The following ZNF804A variants were observed in gnomAD, a reference collection of about 807,000 sequenced individuals.
The protein encoded by ZNF804A is zinc finger protein 804A.
Under a neutral mutation model 16.5 loss-of-function variants are expected in ZNF804A, and 2 were observed. That is an observed-to-expected ratio of 0.12 (90% CI 0.05 to 0.38). The LOEUF (loss-of-function observed/expected upper bound fraction) is 0.38. Among genes scored for constraint, ZNF804A ranks in the 10% least tolerant of loss-of-function variants. The pLI, the probability that ZNF804A is intolerant of heterozygous loss-of-function variation, is 0.99. For synonymous variants in ZNF804A, 534 were observed against 489.6 expected, an observed-to-expected ratio of 1.09 and a Z score of -1.20; for missense variants, 1,473 against 1,390.7, an observed-to-expected ratio of 1.06 and a Z score of -0.94.
intron 1 of ZNF804A, among the ~76,000 whole-genome samples, chr2:184,649,799 G>C (rs1230065979): frequency 7.2e-6 from 1 of 139,444 alleles, no homozygotes; most frequent in African/African-American, 2.7e-5. Context: ...TTGTGAAATT[G>C]AATCAATTAT....
chr2:184,924,107 T>C (rs1181669882), intron 2 of ZNF804A, among the ~76,000 whole-genome samples: 2 of 151,692 alleles, frequency 1.3e-5, no homozygotes, highest in African/African-American at 2.4e-5. Context: ...TTGGAAGTAT[T>C]CCCTTCTTAT....
chr2:184,924,856 T>C (rs1248185807), intron 2 of ZNF804A, among the ~76,000 whole-genome samples: 1 of 151,952 alleles, frequency 6.6e-6, no homozygotes, highest in Admixed American at 6.6e-5. Flanking sequence ...TTTCCAAAAT[T>C]CCTCCTTTTA....
At chr2:184,691,760 T>C (rs1692734150) in intron 1 of ZNF804A, among the ~76,000 whole-genome samples, 1 of 151,764 alleles carries the variant, frequency 6.6e-6, no homozygotes. Context: ...ACGAATTCGT[T>C]GTTTTATTTT....
At chr2:184,910,768 A>G (rs1685343703) in intron 2 of ZNF804A, among the ~76,000 whole-genome samples, 1 of 151,866 alleles carries the variant, frequency 6.6e-6, no homozygotes, top group East Asian at 1.9e-4. Flanking sequence ...CCACTTGTAT[A>G]TCTTCTTTTG....
intron 1 of ZNF804A, among the ~76,000 whole-genome samples, chr2:184,773,475 A>C (rs562197993): frequency 6.6e-6 from 1 of 152,146 alleles, no homozygotes; most frequent in African/African-American, 2.4e-5. Flanking sequence ...TAAAATTAAT[A>C]GGTCTAAGGA....
intron 1 of ZNF804A, among the ~76,000 whole-genome samples, chr2:184,708,378 C>A (rs1693066043): frequency 6.6e-6 from 1 of 152,180 alleles, no homozygotes; most frequent in East Asian, 1.9e-4. Context: ...AGAGGTATTA[C>A]ATTACCCAAC....
At position 184,787,701 on chromosome 2, in the gene ZNF804A, T is replaced by C. The variant is rs969298178; in HGVS notation, c.112-78668T>C. On this transcript the variant is annotated intron_variant, in intron 1 of 3. Transcript: ENST00000302277. ...TCCTTTGTCCAGCTTTTAAGTTTTT[T>C]GGTGCCTTTCTCGTTGACTTCTTTT... 4.6e-5 allele frequency among the ~76,000 whole-genome samples: 7 copies of C among 151,996 alleles called. No homozygotes were observed. In the South Asian group the frequency reaches 8.3e-4, roughly 18 times the overall value.
At chr2:184,914,601 G>T (rs1685416559) in intron 2 of ZNF804A, among the ~76,000 whole-genome samples, 1 of 151,994 alleles carries the variant, frequency 6.6e-6, no homozygotes, top group Non-Finnish European at 1.5e-5. Context: ...GAAATCTAAA[G>T]TTACACCAGA....
At position 184,657,621 on chromosome 2, in the gene ZNF804A, T is replaced by C. The variant is rs1330197845; in HGVS notation, c.111+58551T>C. Among the ~76,000 whole-genome samples, 3 of 152,292 alleles carry C rather than the reference T, an allele frequency of 2.0e-5. No homozygotes were observed. In the East Asian group the frequency reaches 5.8e-4, roughly 29 times the overall value. ...TTTGGTGTATGTCAAGAAACCTGAG[T>C]ATATGCACCCAAATTAATTATTATT... On this transcript the variant is annotated intron_variant, in intron 1 of 3. Transcript: ENST00000302277.
chr2:184,688,732 T>C (rs1559126924), intron 1 of ZNF804A, among the ~76,000 whole-genome samples: 1 of 152,164 alleles, frequency 6.6e-6, no homozygotes, highest in Non-Finnish European at 1.5e-5. Context: ...GAAATAACAA[T>C]GTTTCTTTGT....
intron 1 of ZNF804A, among the ~76,000 whole-genome samples, chr2:184,765,360 G>A (rs1694102425): frequency 6.6e-6 from 1 of 152,126 alleles, no homozygotes; most frequent in Non-Finnish European, 1.5e-5. Flanking sequence ...AAAGAAAGAA[G>A]TAAAAACTAA....
At chr2:184,850,973 T>C (rs1574240895) in intron 1 of ZNF804A, among the ~76,000 whole-genome samples, 1 of 151,916 alleles carries the variant, frequency 6.6e-6, no homozygotes, top group East Asian at 1.9e-4. Flanking sequence ...CTCCCAACCA[T>C]GAGCGGTTAT....
chr2:184,678,015 G>T (rs1440374170), intron 1 of ZNF804A, among the ~76,000 whole-genome samples: 1 of 151,912 alleles, frequency 6.6e-6, no homozygotes, highest in African/African-American at 2.4e-5. Context: ...ATCTTAGAAG[G>T]TCTGAAGATC....
At chr2:184,929,295 T>C (rs1422646617) in intron 2 of ZNF804A, among the ~76,000 whole-genome samples, 2 of 152,174 alleles carry the variant, frequency 1.3e-5, no homozygotes, top group Non-Finnish European at 2.9e-5. Flanking sequence ...TAAACCTCAA[T>C]GGTTACTTTG....
chr2:184,735,434 G>A (rs924150216), intron 1 of ZNF804A, among the ~76,000 whole-genome samples: 14 of 152,172 alleles, frequency 9.2e-5, no homozygotes, highest in African/African-American at 1.4e-4. Context: ...ACACACCGGG[G>A]CCTGTTTGGG....
intron 1 of ZNF804A, among the ~76,000 whole-genome samples, chr2:184,829,169 C>T (rs1695220103): frequency 6.6e-6 from 1 of 151,570 alleles, no homozygotes; most frequent in Non-Finnish European, 1.5e-5. Flanking sequence ...TGCACTTTAT[C>T]ATATACATCA....
At chr2:184,815,253 A>T (rs72903792) in intron 1 of ZNF804A, among the ~76,000 whole-genome samples, 7,632 of 152,036 alleles carry the variant, frequency 0.05, 245 homozygotes, top group Non-Finnish European at 0.075. Flanking sequence ...TGTTAAAAAA[A>T]AACATAAAAT....
At chr2:184,645,462 A>G (rs540731513) in intron 1 of ZNF804A, among the ~76,000 whole-genome samples, 11 of 152,294 alleles carry the variant, frequency 7.2e-5, no homozygotes, top group African/African-American at 2.4e-4. Flanking sequence ...TCTGTTTTTC[A>G]TAGTGGGAGG....
chr2:184,871,859 C>T (rs548105439), intron 2 of ZNF804A, among the ~76,000 whole-genome samples: 1 of 152,092 alleles, frequency 6.6e-6, no homozygotes, highest in African/African-American at 2.4e-5. Flanking sequence ...TCAAGAATTA[C>T]TCAGACTGTA....
Sources: allele counts gnomAD v4.1 joint callset (sites outside exome capture counted in the v4.1 genomes callset), GRCh38; gene constraint gnomAD v4.1.1; transcripts MANE v1.5; gene names NCBI Gene and HGNC (gene_info 2026-07-23, HGNC 2026-07-21).